RHPN1: variants seen among roughly 807,000 people sequenced by gnomAD.
RHPN1 encodes the protein rhophilin Rho GTPase binding protein 1.
In RHPN1, 77 loss-of-function variants were observed where a neutral mutation model predicts 74.7. That is an observed-to-expected ratio of 1.03 (90% CI 0.86 to 1.25). The LOEUF is 1.25. Among genes scored for constraint, RHPN1 ranks in the 50% most tolerant of loss-of-function variants. The pLI is 0.00. For synonymous variants in RHPN1, 444 were observed against 414.5 expected (o/e 1.07, Z -0.87); for missense variants, 987 against 932.2 (o/e 1.06, Z -0.77).
chr8:143,380,506 C>A, intron 10 of RHPN1, 83 bp from the exon 11 acceptor site: 1 of 1,291,684 alleles, frequency 7.7e-7, no homozygotes, highest in Non-Finnish European at 1.0e-6. Context: ...AGCCCCACAG[C>A]CCTGGCGTTG....
At chr8:143,381,221 A>T in intron 11 of RHPN1, 47 bp from the exon 12 acceptor site, 1 of 1,522,658 alleles carries the variant, frequency 6.6e-7, no homozygotes, top group Middle Eastern at 1.7e-4. Flanking sequence ...TCCCCGAGGC[A>T]GGTCTCCACA....
intron 14 of RHPN1, 48 bp downstream of exon 14, chr8:143,382,016 AC>A: frequency 2.7e-6 from 4 of 1,504,150 alleles, no homozygotes; most frequent in Non-Finnish European, 3.6e-6. Context: ...TGCTGTCACC[AC>A]CCTGGCCCTG....
intron 5 of RHPN1, 129 bp downstream of exon 5, chr8:143,378,475 C>A: frequency 1.0e-6 from 1 of 997,410 alleles, no homozygotes. Flanking sequence ...GACGGGCGCA[C>A]CAGGGGCCCT....
At chr8:143,367,932 C>G (rs1417078887), upstream of RHPN1, 1 of 152,310 alleles carries the variant, frequency 6.6e-6, no homozygotes, top group Non-Finnish European at 1.5e-5. Context: ...ACACACACAG[C>G]CGGGTGAGCC....
chr8:143,379,365 A>G lies in RHPN1; in HGVS notation c.802A>G (p.Met268Val), dbSNP rs763034494. 3 of 1,604,486 alleles carry G rather than the reference A, an allele frequency of 1.9e-6. No individual in the cohort carries two copies. Among genetic ancestry groups the G allele is most frequent in the East Asian group, 4.5e-5 (2 of 44,442 alleles). The change falls in exon 8 of 15, where the codon ATG becomes GTG. Residue 268 changes from methionine to valine, a missense_variant. By Grantham distance (21) the Met-to-Val change is conservative (BLOSUM62 1). Coordinates refer to ENST00000289013, the MANE Select transcript of RHPN1 (RefSeq NM_052924.3). ...CTTCTCCCATGCGCCGAGCCCAGACATGAGCGCTGCGTCCCTCTGCGCACT... is the reference window on the plus strand; with the variant it reads ...CTTCTCCCATGCGCCGAGCCCAGACGTGAGCGCTGCGTCCCTCTGCGCACT... Reference protein sequence around the residue: ...ENFSHAPSPDMSAASLCALEQ... With the variant: ...ENFSHAPSPDVSAASLCALEQ...
intron 2 of RHPN1, 112 bp from the exon 3 acceptor site, chr8:143,376,413 T>C: frequency 3.4e-6 from 5 of 1,482,174 alleles, no homozygotes; most frequent in East Asian, 2.5e-5. Context: ...CGACGTCCTC[T>C]GCAGGGTGGG....
At chr8:143,380,424 G>A (rs570753640) in intron 10 of RHPN1, 165 bp from the exon 11 acceptor site, 15 of 683,548 alleles carry the variant, frequency 2.2e-5, no homozygotes, top group East Asian at 1.1e-4. Context: ...TGCTTTGCAC[G>A]TGGCAGAGCC....
rs1265595382 is a variant in RHPN1, at chr8:143,382,778, C to T, written c.*127C>T. The T allele has an allele frequency of 2.1e-5, 16 of 775,912 alleles. No individual in the cohort carries two copies. The highest frequency in any genetic ancestry group is 3.1e-5 in the Non-Finnish European group (15 of 488,340). The allele number at this position is 775,912 out of a possible 1,614,324, so 48.1% of individuals were successfully genotyped here. Reference sequence around the variant, plus strand: ...TCATGCTGGAGGCTGCCTCGGGCACCTGCCTGCCCATTAAAGACTGGTCAG... The same window carrying T: ...TCATGCTGGAGGCTGCCTCGGGCACTTGCCTGCCCATTAAAGACTGGTCAG... On this transcript the variant is annotated 3_prime_UTR_variant, in exon 15 of 15. Transcript: ENST00000289013.
intron 3 of RHPN1, among the ~76,000 whole-genome samples, chr8:143,377,066 G>A (rs1261397722): frequency 7.2e-6 from 1 of 138,174 alleles, no homozygotes; most frequent in African/African-American, 3.5e-5. Flanking sequence ...GTGTGCGCGT[G>A]TGTGTGTCTG....
intron 1 of RHPN1, among the ~76,000 whole-genome samples, chr8:143,371,257 G>A (rs1004036174): frequency 1.3e-5 from 2 of 152,158 alleles, no homozygotes; most frequent in African/African-American, 2.4e-5. Flanking sequence ...TCAGTGGGGG[G>A]CAGAGATGGT....
intron 10 of RHPN1, 64 bp downstream of exon 10, chr8:143,380,239 C>T (rs1818621553): frequency 8.8e-6 from 10 of 1,130,272 alleles, no homozygotes; most frequent in Middle Eastern, 2.6e-4. Flanking sequence ...CAGGGTGTCC[C>T]CCACCACCCT....
chr8:143,382,806 C>T lies in RHPN1; in HGVS notation c.*155C>T, dbSNP rs879353111. On this transcript the variant is annotated 3_prime_UTR_variant, in exon 15 of 15. Transcript: ENST00000289013. ...CCTGCCCATTAAAGACTGGTCAGAC[C>T]TGTCTGAGCCCAGTGATGGGAGCTG... 4.0e-5 allele frequency: 25 copies of T among 631,458 alleles called. No individual in the cohort carries two copies. In the Admixed American group the frequency reaches 6.6e-4, roughly 17 times the overall value. 39.1% of individuals were successfully genotyped at this position (631,458 alleles called of 1,614,324 possible).
chr8:143,380,783 C>A lies in RHPN1; in HGVS notation c.1411C>A (p.Pro471Thr). The stretch of plus-strand genomic sequence containing the variant: ...GGCTGCCGAGGCCCCGGACATCCAG[C>A]GTGAGCAGCCAGGGCCTGTCTGGGT... ...CEAAEAPDIQPKTHQKPEARM... is the reference protein window; with the variant it reads ...CEAAEAPDIQTKTHQKPEARM... Residue 471 changes from proline (P) to threonine (T), a missense_variant and splice_region_variant, in exon 11 of 15, where the codon CCT becomes ACT. Transcript: ENST00000289013. The A allele has an allele frequency of 6.4e-7, 1 of 1,560,938 alleles. No homozygotes were observed. Among genetic ancestry groups the A allele is most frequent in the Admixed American group, 1.8e-5 (1 of 54,418 alleles).
At chr8:143,376,783 CAT>C (rs1818260646) in intron 3 of RHPN1, 130 bp downstream of exon 3, 3 of 1,057,100 alleles carry the variant, frequency 2.8e-6, no homozygotes, top group African/African-American at 1.7e-5. Flanking sequence ...TGCGTGTGTG[CAT>C]GTGTGTGCAT....
intron 1 of RHPN1, 49 bp downstream of exon 1, chr8:143,369,096 C>CT: frequency 5.1e-6 from 7 of 1,383,528 alleles, no homozygotes; most frequent in Non-Finnish European, 3.8e-6. Flanking sequence ...GAATCCCGGC[C>CT]TTTTCCTGCC....
rs1350086598 is a variant in RHPN1, at chr8:143,380,720, A to C, written c.1348A>C (p.Lys450Gln). 1.3e-6 allele frequency: 2 copies of C among 1,595,000 alleles called. No homozygotes were observed. Among genetic ancestry groups the C allele is most frequent in the Non-Finnish European group, 1.7e-6 (2 of 1,171,358 alleles). ...ISQTLQRSLAKYAELDREDDF... is the reference protein window; with the variant it reads ...ISQTLQRSLAQYAELDREDDF... ...CCAGACGCTGCAGCGCTCACTGGCC[A>C]AGTATGCGGAGCTCGACCGTGAGGA... is the stretch of plus-strand genomic sequence containing the variant. Residue 450 changes from lysine to glutamine, a missense_variant, in exon 11 of 15, where the codon AAG becomes CAG. Physicochemically the swap from Lys to Gln is moderately conservative, Grantham distance 53 (BLOSUM62 1). Transcript: ENST00000289013.
chr8:143,378,660 C>T, intron 5 of RHPN1, 36 bp from the exon 6 acceptor site: 1 of 1,582,866 alleles, frequency 6.3e-7, no homozygotes. Context: ...GTGGGGTGGG[C>T]CAGGGCGGTG....
At chr8:143,376,374 C>A in intron 2 of RHPN1, 151 bp from the exon 3 acceptor site, 1 of 1,141,848 alleles carries the variant, frequency 8.8e-7, no homozygotes, top group Non-Finnish European at 1.2e-6. Flanking sequence ...GCTGCCCCTG[C>A]CCCACCCATG....
At chr8:143,382,354 G>A in intron 14 of RHPN1, 82 bp from the exon 15 acceptor site, 1 of 1,260,008 alleles carries the variant, frequency 7.9e-7, no homozygotes. Context: ...CCTCCCAGGT[G>A]GTTCTCACCC....
Sources: allele counts gnomAD v4.1 joint callset (sites outside exome capture counted in the v4.1 genomes callset), GRCh38; gene constraint gnomAD v4.1.1; transcripts MANE v1.5; gene names NCBI Gene and HGNC (gene_info 2026-07-23, HGNC 2026-07-21).